The following OVCH1 variants were observed in gnomAD, a reference collection of about 807,000 sequenced individuals.
OVCH1 encodes ovochymase 1.
A neutral mutation model predicts 138.4 loss-of-function variants in OVCH1; 139 were observed. That is an observed-to-expected ratio of 1.00 (90% CI 0.87 to 1.16). The LOEUF is 1.16. Among genes scored for constraint, OVCH1 ranks in the 50% most tolerant of loss-of-function variants. The pLI is 0.00. For synonymous variants in OVCH1, 453 were observed against 467.8 expected (o/e 0.97, Z 0.41); for missense variants, 1,367 against 1,357.9 (o/e 1.01, Z -0.11).
chr12:29,462,193 A>C (rs1269844445), intron 18 of OVCH1, among the ~76,000 whole-genome samples, 185 bp from the exon 19 acceptor site: 1 of 152,158 alleles, frequency 6.6e-6, no homozygotes, highest in African/African-American at 2.4e-5. Flanking sequence ...TTCATTTCCC[A>C]ATTTGGCATT....
intron 3 of OVCH1, among the ~76,000 whole-genome samples, 162 bp downstream of exon 3, chr12:29,496,019 A>G (rs901464337): frequency 6.6e-6 from 1 of 152,226 alleles, no homozygotes; most frequent in Non-Finnish European, 1.5e-5. Flanking sequence ...GAATCTTGGG[A>G]CAGACACACA....
chr12:29,479,138 AAC>A (rs1181734520), intron 8 of OVCH1, among the ~76,000 whole-genome samples, 170 bp from the exon 10 acceptor site: 1 of 152,208 alleles, frequency 6.6e-6, no homozygotes. Flanking sequence ...TCAAATTAAT[AAC>A]ATTTATCTGA....
intron 21 of OVCH1, among the ~76,000 whole-genome samples, chr12:29,453,340 C>T (rs12300295): frequency 6.6e-6 from 1 of 152,264 alleles, no homozygotes; most frequent in African/African-American, 2.4e-5. Flanking sequence ...TTTTCTCCAA[C>T]ACTTTTCCTG....
At chr12:29,453,888 T>C (rs1344832050) in intron 21 of OVCH1, among the ~76,000 whole-genome samples, 1 of 152,174 alleles carries the variant, frequency 6.6e-6, no homozygotes, top group Non-Finnish European at 1.5e-5. Context: ...TCAGGGGGCC[T>C]TTATGCTACC....
At chr12:29,408,986 T>G (rs1940918204), downstream of OVCH1, among the ~76,000 whole-genome samples, 1 of 152,056 alleles carries the variant, frequency 6.6e-6, no homozygotes, top group South Asian at 2.1e-4. Context: ...CAATTTCAGC[T>G]CCTGTTATTG....
the OVCH1 span, among the ~76,000 whole-genome samples, chr12:29,407,230 C>A: frequency 8.1e-6 from 1 of 123,574 alleles, no homozygotes; most frequent in East Asian, 2.3e-4. Flanking sequence ...GAGTAGGTTG[C>A]GAAAATTTTC....
intron 9 of OVCH1, among the ~76,000 whole-genome samples, chr12:29,478,535 C>G (rs997818239): frequency 1.3e-5 from 2 of 152,164 alleles, no homozygotes; most frequent in African/African-American, 2.4e-5. Context: ...TAGAAAAACA[C>G]TGAAAAGAAT....
At chr12:29,420,487 T>TAAAATGAAAAACTATTAGTGGTA (rs1482021829) in intron 3 of OVCH1, among the ~76,000 whole-genome samples, 1 of 38,722 alleles carries the variant, frequency 2.6e-5, no homozygotes, top group Non-Finnish European at 5.1e-5. Flanking sequence ...AAGCAGCTTT[T>TAAAATGAAAAACTATTAGTGGTA]TTTTTTTTTT....
chr12:29,412,919 C>T (rs967841196), intron 3 of OVCH1, among the ~76,000 whole-genome samples: 3 of 152,146 alleles, frequency 2.0e-5, no homozygotes, highest in Non-Finnish European at 2.9e-5. Flanking sequence ...GCAGTAGTAG[C>T]TCACTGTAGA....
chr12:29,407,666 ATC>A (rs1052438351), downstream of OVCH1, among the ~76,000 whole-genome samples: 39 of 152,006 alleles, frequency 2.6e-4, no homozygotes, highest in Non-Finnish European at 4.7e-4. Context: ...ATTGGTCTCT[ATC>A]TCTGTTTTGG....
chr12:29,465,726 T>C (rs1032946034), intron 16 of OVCH1, among the ~76,000 whole-genome samples: 2 of 152,142 alleles, frequency 1.3e-5, no homozygotes, highest in African/African-American at 4.8e-5. Flanking sequence ...AAAGTATCAT[T>C]GGAAACCTTG....
At chr12:29,404,161 GCT>G in the OVCH1 span, among the ~76,000 whole-genome samples, 5 of 152,190 alleles carry the variant, frequency 3.3e-5, no homozygotes, top group African/African-American at 1.2e-4. Flanking sequence ...GTACCACACT[GCT>G]CTTTCAGTGA....
At chr12:29,464,831 A>T in intron 17 of OVCH1, 129 bp from the exon 18 acceptor site, 1 of 835,444 alleles carries the variant, frequency 1.2e-6, no homozygotes, top group Non-Finnish European at 1.9e-6. Flanking sequence ...AAGACTTTCT[A>T]TTAAATTTAA....
chr12:29,449,842 G>A (rs939219082), intron 22 of OVCH1, among the ~76,000 whole-genome samples: 4 of 152,014 alleles, frequency 2.6e-5, no homozygotes, highest in Non-Finnish European at 1.5e-5. Context: ...GAGAACAGAG[G>A]CCTCAGAAAT....
intron 26 of OVCH1, among the ~76,000 whole-genome samples, chr12:29,434,286 A>G (rs527269407): frequency 3.2e-4 from 48 of 152,302 alleles, no homozygotes; most frequent in African/African-American, 1.1e-3. Flanking sequence ...TATTGTCGCA[A>G]TATTCCAAGT....
At chr12:29,466,272 AGGAAG>A (rs1942316774) in intron 16 of OVCH1, among the ~76,000 whole-genome samples, 2 of 148,744 alleles carry the variant, frequency 1.3e-5, no homozygotes, top group South Asian at 4.3e-4. Flanking sequence ...AAAAATCATA[AGGAAG>A]AGAAAATACG....
At chr12:29,447,534 C>T (rs975219448) in intron 22 of OVCH1, among the ~76,000 whole-genome samples, 3 of 152,028 alleles carry the variant, frequency 2.0e-5, no homozygotes, top group Admixed American at 2.0e-4. Flanking sequence ...AGGTGTTGAC[C>T]TCATTTGGAA....
chr12:29,473,203 A>C, intron 14 of OVCH1, 100 bp from the exon 15 acceptor site: 2 of 771,164 alleles, frequency 2.6e-6, no homozygotes, highest in South Asian at 3.3e-5. Context: ...TCTACTGTAG[A>C]TCTCACTAAC....
At chr12:29,411,259 C>T (rs1181025204), downstream of OVCH1, among the ~76,000 whole-genome samples, 2 of 140,084 alleles carry the variant, frequency 1.4e-5, no homozygotes, top group African/African-American at 5.0e-5. Context: ...GAATTTCCTC[C>T]TGTAGCTCGT....
Sources: allele counts gnomAD v4.1 joint callset (sites outside exome capture counted in the v4.1 genomes callset), GRCh38; gene constraint gnomAD v4.1.1; transcripts MANE v1.5; gene names NCBI Gene and HGNC (gene_info 2026-07-23, HGNC 2026-07-21).